Variants in TGFBRAP1 observed in about 807,000 individuals in gnomAD.
The protein encoded by TGFBRAP1 is transforming growth factor beta receptor associated protein 1, also known as transforming growth factor-beta receptor-associated protein 1.
A neutral mutation model predicts 83.2 loss-of-function variants in TGFBRAP1; 20 were observed. The observed-to-expected ratio is 0.24, with a 90% confidence interval of 0.17 to 0.35. TGFBRAP1 has a LOEUF of 0.35. Among genes scored for constraint, TGFBRAP1 ranks in the 10% least tolerant of loss-of-function variants. TGFBRAP1 has a pLI of 1.00. For synonymous variants in TGFBRAP1, 415 were observed against 459.8 expected, an observed-to-expected ratio of 0.90 and a Z score of 1.25; for missense variants, 950 against 1,099.4, an observed-to-expected ratio of 0.86 and a Z score of 1.92.
At chr2:105,304,988 A>C (rs1464146821) in intron 2 of TGFBRAP1, among the ~76,000 whole-genome samples, 1 of 152,212 alleles carries the variant, frequency 6.6e-6, no homozygotes, top group Non-Finnish European at 1.5e-5. Context: ...TGGTGAAAGG[A>C]TTATGAATGA....
intron 2 of TGFBRAP1, among the ~76,000 whole-genome samples, chr2:105,299,607 G>A (rs1024134244): frequency 4.6e-5 from 7 of 151,864 alleles, no homozygotes; most frequent in African/African-American, 1.7e-4. Flanking sequence ...AAATAAAAAG[G>A]GCAAGGACCT....
intron 11 of TGFBRAP1, among the ~76,000 whole-genome samples, chr2:105,268,524 A>G (rs1386027551): frequency 6.6e-6 from 1 of 152,266 alleles, no homozygotes. Flanking sequence ...TACAGCATTT[A>G]CAAAAGCAAC....
rs951036129 is a variant in TGFBRAP1, at chr2:105,281,515, C to A, written c.1122-792G>T. Among the ~76,000 whole-genome samples, 18 of 152,358 alleles carry A rather than the reference C, an allele frequency of 1.2e-4. No homozygotes were observed. In the East Asian group the frequency reaches 3.5e-3, roughly 29 times the overall value. On this transcript the variant is annotated intron_variant, in intron 5 of 11. Transcript: ENST00000393359. ...CAGAGCATCCTCCTTCATCCAAGCT[C>A]TGATCAGCTGTCCTCCTCTACTGGC...
At chr2:105,278,601 C>A (rs1677428601) in intron 6 of TGFBRAP1, among the ~76,000 whole-genome samples, 1 of 152,136 alleles carries the variant, frequency 6.6e-6, no homozygotes, top group Non-Finnish European at 1.5e-5. Context: ...TGGAAAAGAT[C>A]GGCAATAGCA....
At chr2:105,262,539 G>A (rs541502834), downstream of TGFBRAP1, among the ~76,000 whole-genome samples, 15 of 152,236 alleles carry the variant, frequency 9.9e-5, no homozygotes, top group Admixed American at 4.6e-4. Context: ...ATCCAGTCTC[G>A]AATATTTATT....
chr2:105,327,020 G>A (rs549044897), intron 1 of TGFBRAP1, among the ~76,000 whole-genome samples: 1 of 152,134 alleles, frequency 6.6e-6, no homozygotes, highest in African/African-American at 2.4e-5. Context: ...ACAGAGATGA[G>A]TTGTAAAGTC....
intron 5 of TGFBRAP1, among the ~76,000 whole-genome samples, chr2:105,281,019 T>A (rs1677519695): frequency 6.6e-6 from 1 of 152,148 alleles, no homozygotes; most frequent in South Asian, 2.1e-4. Context: ...AATACCCAGC[T>A]GAGCCTGGAA....
chr2:105,253,797 T>C, the TGFBRAP1 span, among the ~76,000 whole-genome samples: 2 of 152,230 alleles, frequency 1.3e-5, no homozygotes, highest in Non-Finnish European at 2.9e-5. Context: ...GTGCTCCTTG[T>C]AAAAACAAAA....
chr2:105,254,059 T>G, the TGFBRAP1 span, among the ~76,000 whole-genome samples: 2 of 144,388 alleles, frequency 1.4e-5, no homozygotes, highest in African/African-American at 2.6e-5. Flanking sequence ...ATATTCAAGG[T>G]TTTTTTTTTT....
intron 1 of TGFBRAP1, among the ~76,000 whole-genome samples, chr2:105,318,569 C>T (rs1678956324): frequency 6.6e-6 from 1 of 152,332 alleles, no homozygotes; most frequent in Admixed American, 6.5e-5. Context: ...AATTCACAAA[C>T]TGTATGTTCC....
chr2:105,312,918 C>G (rs970138747), intron 1 of TGFBRAP1, among the ~76,000 whole-genome samples: 2 of 152,174 alleles, frequency 1.3e-5, no homozygotes, highest in African/African-American at 4.8e-5. Flanking sequence ...TCGAGACCAG[C>G]CTGGCCAACA....
intron 1 of TGFBRAP1, among the ~76,000 whole-genome samples, chr2:105,326,753 G>C (rs1291849989): frequency 6.6e-6 from 1 of 152,072 alleles, no homozygotes; most frequent in Non-Finnish European, 1.5e-5. Context: ...AGTACCTACA[G>C]GACTTGATAG....
At chr2:105,251,078 C>T in the TGFBRAP1 span, among the ~76,000 whole-genome samples, 2 of 152,172 alleles carry the variant, frequency 1.3e-5, no homozygotes, top group African/African-American at 2.4e-5. Context: ...GCCGCCACCC[C>T]GTCTGGAAAG....
the TGFBRAP1 span, among the ~76,000 whole-genome samples, chr2:105,255,300 C>A: frequency 5.9e-3 from 892 of 152,246 alleles, 13 homozygotes; most frequent in African/African-American, 0.021. Flanking sequence ...ACAGCTCGCC[C>A]ACAAGCAAGC....
chr2:105,318,670 A>AT (rs1368188406), intron 1 of TGFBRAP1, among the ~76,000 whole-genome samples: 2 of 152,230 alleles, frequency 1.3e-5, no homozygotes, highest in Non-Finnish European at 2.9e-5. Flanking sequence ...TGCTTAGCTT[A>AT]TTTTATATCC....
chr2:105,302,854 G>A (rs1354680581), intron 2 of TGFBRAP1, among the ~76,000 whole-genome samples: 1 of 152,294 alleles, frequency 6.6e-6, no homozygotes, highest in South Asian at 2.1e-4. Context: ...TAACCACACA[G>A]AGGAGAACTA....
At chr2:105,311,828 G>T (rs944549582) in intron 1 of TGFBRAP1, among the ~76,000 whole-genome samples, 1 of 151,792 alleles carries the variant, frequency 6.6e-6, no homozygotes, top group Non-Finnish European at 1.5e-5. Flanking sequence ...AGAATCGCTT[G>T]AACTGGGAGG....
At chr2:105,310,842 T>C (rs545958966) in intron 1 of TGFBRAP1, among the ~76,000 whole-genome samples, 1 of 152,348 alleles carries the variant, frequency 6.6e-6, no homozygotes, top group East Asian at 1.9e-4. Flanking sequence ...TCTTCCTTCA[T>C]TGATTAATCA....
chr2:105,324,049 A>G (rs1679149289), intron 1 of TGFBRAP1, among the ~76,000 whole-genome samples: 1 of 152,158 alleles, frequency 6.6e-6, no homozygotes, highest in Non-Finnish European at 1.5e-5. Context: ...AGAAGCCAAG[A>G]ATAAGTGACA....
Sources: gnomAD v4.1 joint callset for allele counts (sites outside exome capture counted in the v4.1 genomes callset) on GRCh38, gnomAD v4.1.1 for gene constraint, MANE v1.5 for transcripts, NCBI Gene and HGNC (gene_info 2026-07-23, HGNC 2026-07-21) for gene names.